Variants in HSP90B1 observed in about 807,000 individuals in gnomAD.
The protein encoded by HSP90B1 is heat shock protein 90 beta family member 1.
A neutral mutation model predicts 100.4 loss-of-function variants in HSP90B1; 27 were observed. The observed-to-expected ratio is 0.27, with a 90% CI of 0.20 to 0.37. HSP90B1 has a LOEUF of 0.37. Ranked by LOEUF, HSP90B1 falls within the 10% of genes least tolerant of loss-of-function variation. HSP90B1 has a pLI of 1.00. For synonymous variants in HSP90B1, 304 were observed against 330.8 expected (o/e 0.92, Z 0.88); for missense variants, 678 against 960.5 (o/e 0.71, Z 3.89).
chr12:103,947,622 T>C lies in HSP90B1; in HGVS notation c.2383-11T>C. On this transcript the variant is annotated splice_polypyrimidine_tract_variant and intron_variant, in intron 17 of 17. Transcript: ENST00000299767. Reference sequence around the variant, plus strand: ...TTTAATACCTTCTGGGTTTTTTTTATTTATTTACAGGAATCTACAGCTGAA... The same window carrying C: ...TTTAATACCTTCTGGGTTTTTTTTACTTATTTACAGGAATCTACAGCTGAA... 1.3e-6 allele frequency: 2 copies of C among 1,576,038 alleles called. No homozygotes were observed. The highest frequency in any genetic ancestry group is 2.3e-5 in the South Asian group (2 of 86,260).
At chr12:103,947,172 G>A in intron 16 of HSP90B1, 139 bp from the exon 17 acceptor site, 1 of 1,242,834 alleles carries the variant, frequency 8.0e-7, no homozygotes, top group Non-Finnish European at 1.1e-6. Flanking sequence ...TTGTTAGCTT[G>A]GCTGTTCATT....
rs1593491551 is a variant in HSP90B1, at chr12:103,942,667, T to C, written c.1515T>C (p.Arg505=). The change falls in exon 12 of 18, where the codon CGT becomes CGC. Residue 505 remains arginine, a synonymous_variant. Coordinates refer to ENST00000299767, the MANE Select transcript of HSP90B1 (RefSeq NM_003299.3). ...TTGAAGACCACTCGAATCGAACACG[T>C]CTTGCTAAACTTCTTAGGTTCCAGT... ...GVIEDHSNRT[R]LAKLLRFQSS... 1 of 1,613,970 alleles carries C rather than the reference T, an allele frequency of 6.2e-7. No homozygotes were observed. Among genetic ancestry groups the C allele is most frequent in the Admixed American group, 1.7e-5 (1 of 60,022 alleles).
Position 103,942,631 on chromosome 12 carries a change from G to A in HSP90B1, c.1479G>A (p.Lys493=), listed in dbSNP as rs1290479629. The change falls in exon 12 of 18, where the codon AAG becomes AAA. Residue 493 remains lysine, a synonymous_variant. Coordinates refer to ENST00000299767, the MANE Select transcript of HSP90B1 (RefSeq NM_003299.3). ...GGAAAGAATTTGGTACCAACATCAA[G>A]CTTGGTGTGATTGAAGACCACTCGA... ...TFWKEFGTNI[K]LGVIEDHSNR... The A allele has an allele frequency of 2.5e-6, 4 of 1,614,018 alleles. No homozygotes were observed. Among genetic ancestry groups the A allele is most frequent in the Non-Finnish European group, 3.4e-6 (4 of 1,179,898 alleles).
intron 14 of HSP90B1, among the ~76,000 whole-genome samples, chr12:103,944,255 G>A (rs1391284075): frequency 3.3e-5 from 5 of 151,902 alleles, no homozygotes; most frequent in African/African-American, 9.7e-5. Context: ...TTCAAATCAC[G>A]TCCCCCACAC....
chr12:103,931,910 G>A (rs1566164636), intron 2 of HSP90B1: 3 of 448,480 alleles, frequency 6.7e-6, no homozygotes, highest in Non-Finnish European at 1.2e-5. Flanking sequence ...TGTGTACACC[G>A]AGTAAGTTTA....
Position 103,938,423 on chromosome 12 carries a change from G to GGAA in HSP90B1, c.952_954dup (p.Glu318dup), listed in dbSNP as rs546630977. On this transcript the variant is annotated inframe_insertion, in exon 7 of 18. Coordinates refer to ENST00000299767, the MANE Select transcript of HSP90B1 (RefSeq NM_003299.3). ...AATCTGATGATGAAGCTGCAGTAGA[G>GGAA]GAAGAAGAAGAAGAAAAGAAACCAA... The GGAA allele has an allele frequency of 1.3e-6, 2 of 1,597,250 alleles. No individual in the cohort carries two copies. Among genetic ancestry groups the GGAA allele is most frequent in the South Asian group, 2.2e-5 (2 of 89,972 alleles).
In HSP90B1 at chr12:103,930,453, GGGGT is replaced by G; in HGVS notation, c.-59_-56del. ...CTGGAGGTGTGAGGATCCGAACCCA[GGGGT>G]GGGGGGTGGAGGCGGCTCCTGCGAT... is the stretch of plus-strand genomic sequence containing the variant. On this transcript the variant is annotated 5_prime_UTR_variant, in exon 1 of 18. Coordinates refer to ENST00000299767, the MANE Select transcript of HSP90B1 (RefSeq NM_003299.3). The surrounding 1 kb of genome is among the most constrained non-coding windows in gnomAD (Gnocchi z 4.4). The G allele has an allele frequency of 8.6e-7, 1 of 1,158,856 alleles. No individual in the cohort carries two copies. The highest frequency in any genetic ancestry group is 1.2e-6 in the Non-Finnish European group (1 of 842,934). The allele number at this position is 1,158,856 out of a possible 1,614,324, so 71.8% of individuals were successfully genotyped here.
At position 103,943,217 on chromosome 12, in the gene HSP90B1, G is replaced by A. The variant is rs764718524; in HGVS notation, c.1788G>A (p.Val596=). Residue 596 remains valine, a synonymous_variant, in exon 13 of 18, where the codon GTG becomes GTA. Coordinates refer to ENST00000299767, the MANE Select transcript of HSP90B1 (RefSeq NM_003299.3). The surrounding 1 kb of genome is among the most constrained non-coding windows in gnomAD (Gnocchi z 5.3). Reference sequence around the variant, plus strand: ...TCCAGAATGTTGCCAAGGAAGGAGTGAAGTTCGATGAAAGTGAGAAAACTA... The same window carrying A: ...TCCAGAATGTTGCCAAGGAAGGAGTAAAGTTCGATGAAAGTGAGAAAACTA... The part of the protein sequence containing the change: ...KRFQNVAKEG[V]KFDESEKTKE... 3 of 1,614,082 alleles carry A rather than the reference G, an allele frequency of 1.9e-6. No homozygotes were observed. The highest frequency in any genetic ancestry group is 2.7e-5 in the African/African-American group (2 of 74,926).
rs374591505 is a variant in HSP90B1, at chr12:103,943,578, G to A, written c.1891-160G>A. 49 of 737,382 alleles carry A rather than the reference G, an allele frequency of 6.6e-5. No homozygotes were observed. In the African/African-American group the frequency reaches 7.4e-4, roughly 11 times the overall value. 45.7% of individuals were successfully genotyped at this position (737,382 alleles called of 1,614,324 possible). ...CTAGAAAATTCAGATTATCAAGTAA[G>A]TGCCCCTACAAATTCTCCTAAACCT... On this transcript the variant is annotated intron_variant, in intron 13 of 17. Coordinates refer to ENST00000299767, the MANE Select transcript of HSP90B1 (RefSeq NM_003299.3). The surrounding 1 kb of genome is among the most constrained non-coding windows in gnomAD (Gnocchi z 5.3).
At chr12:103,940,562 G>T (rs558102030) in intron 8 of HSP90B1, among the ~76,000 whole-genome samples, 5 of 152,068 alleles carry the variant, frequency 3.3e-5, no homozygotes, top group African/African-American at 1.2e-4. Context: ...TTAAAACACT[G>T]TTGGTTCTGC....
intron 8 of HSP90B1, 30 bp from the exon 9 acceptor site, chr12:103,941,380 T>C (rs1783111866): frequency 1.2e-6 from 2 of 1,608,244 alleles, no homozygotes; most frequent in Admixed American, 1.7e-5. Context: ...CCTGTGTCGT[T>C]TGAATGACTA....
chr12:103,941,707 G>C lies in HSP90B1; in HGVS notation c.1308+1G>C. The stretch of plus-strand genomic sequence containing the variant: ...ATACCTCAATTTTGTCAAGGGTGTG[G>C]TAAGTATCTGAAGTTTGGGAGAAGG... On this transcript the variant is annotated splice_donor_variant, in intron 10 of 17. Coordinates refer to ENST00000299767, the MANE Select transcript of HSP90B1 (RefSeq NM_003299.3). LOFTEE classifies it high-confidence loss of function. The C allele has an allele frequency of 6.2e-7, 1 of 1,613,802 alleles. No individual in the cohort carries two copies. The highest frequency in any genetic ancestry group is 8.5e-7 in the Non-Finnish European group (1 of 1,179,704).
At position 103,946,581 on chromosome 12, in the gene HSP90B1, A is replaced by G. The variant is rs771654086; in HGVS notation, c.2028-37A>G. The G allele has an allele frequency of 4.9e-6, 7 of 1,437,544 alleles. No individual in the cohort carries two copies. The East Asian group carries it at 1.4e-4, about 28-fold the overall frequency. 89.0% of individuals were successfully genotyped at this position (1,437,544 alleles called of 1,614,324 possible). On this transcript the variant is annotated intron_variant, in intron 14 of 17. Coordinates refer to ENST00000299767, the MANE Select transcript of HSP90B1 (RefSeq NM_003299.3). ...GGAAACGTATGAACCCTAAAATTGGATATGTTTTGTTAATGTTCATTTTTA... is the reference window on the plus strand; with the variant it reads ...GGAAACGTATGAACCCTAAAATTGGGTATGTTTTGTTAATGTTCATTTTTA...
At chr12:103,938,208 A>G (rs1186333608) in intron 6 of HSP90B1, 132 bp from the exon 7 acceptor site, 2 of 678,080 alleles carry the variant, frequency 2.9e-6, no homozygotes, top group East Asian at 3.1e-5. Context: ...AATGTGGTCT[A>G]TTAGTTAAGG....
At chr12:103,931,167 C>G (rs1030803957) in intron 1 of HSP90B1, among the ~76,000 whole-genome samples, 1 of 152,144 alleles carries the variant, frequency 6.6e-6, no homozygotes, top group Non-Finnish European at 1.5e-5. Flanking sequence ...TAACGAAGGC[C>G]GAAGTTTTGG....
chr12:103,932,507 A>G, intron 3 of HSP90B1, 89 bp downstream of exon 3: 1 of 1,134,700 alleles, frequency 8.8e-7, no homozygotes, highest in Non-Finnish European at 1.3e-6. Context: ...AAAGTAATGT[A>G]GTATCCAAGT....
chr12:103,930,603 C>A lies in HSP90B1; in HGVS notation c.49+39C>A. 6.3e-7 allele frequency: 1 copy of A among 1,579,820 alleles called. No individual in the cohort carries two copies. Among genetic ancestry groups the A allele is most frequent in the Non-Finnish European group, 8.6e-7 (1 of 1,163,028 alleles). ...GAGGAGCAGACGTCCCCCCTCCACA[C>A]ACGCGGCCGCTTCTCGAAGGTCCTG... On this transcript the variant is annotated intron_variant, in intron 1 of 17. Transcript: ENST00000299767. This position sits in a 1 kb window ranked among gnomAD's most constrained non-coding sequence, Gnocchi z 4.4.
rs1870274255 is a variant in HSP90B1, at chr12:103,947,552, T to C, written c.2383-81T>C. 12 of 1,573,458 alleles carry C rather than the reference T, an allele frequency of 7.6e-6. No homozygotes were observed. In the South Asian group the frequency reaches 1.1e-4, roughly 15 times the overall value. On this transcript the variant is annotated intron_variant, in intron 17 of 17. Transcript: ENST00000299767. ...AGTCAGACTGAGCATTTAAATTGTT[T>C]ATTTCATGCACAAACCTGTGAGCTA...
In HSP90B1 at chr12:103,930,620, A is replaced by T; in HGVS notation, c.49+56A>T. The T allele has an allele frequency of 1.3e-6, 2 of 1,550,694 alleles. No individual in the cohort carries two copies. The highest frequency in any genetic ancestry group is 2.4e-5 in the East Asian group (1 of 42,374). ...CCTCCACACACGCGGCCGCTTCTCG[A>T]AGGTCCTGGGGGCGTTGAACGTGGG... On this transcript the variant is annotated intron_variant, in intron 1 of 17. Transcript: ENST00000299767. This position sits in a 1 kb window ranked among gnomAD's most constrained non-coding sequence, Gnocchi z 4.4.
Sources: gnomAD v4.1 joint callset for allele counts (sites outside exome capture counted in the v4.1 genomes callset) on GRCh38, gnomAD v4.1.1 for gene constraint, Gnocchi (gnomAD v3.1) non-coding constraint, MANE v1.5 for transcripts, NCBI Gene and HGNC (gene_info 2026-07-23, HGNC 2026-07-21) for gene names.